Variants in CACNA2D1 observed in about 807,000 individuals in gnomAD.
The protein encoded by CACNA2D1 is calcium voltage-gated channel auxiliary subunit alpha2delta 1.
Under a neutral mutation model 171.5 loss-of-function variants are expected in CACNA2D1, and 53 were observed. The ratio of observed to expected loss-of-function variants is 0.31; its 90% CI spans 0.25 to 0.39. The LOEUF (loss-of-function observed/expected upper bound fraction) is 0.39. CACNA2D1 is among the 10% of genes least tolerant of loss of function. The pLI, the probability that CACNA2D1 is intolerant of heterozygous loss-of-function variation, is 1.00. For missense variants in CACNA2D1, 903 were observed against 1,299.8 expected (o/e 0.69, Z 4.69); for synonymous variants, 442 against 443.1 (o/e 1.00, Z 0.03).
chr7:82,134,217 T>C (rs1791346990), intron 5 of CACNA2D1, among the ~76,000 whole-genome samples: 2 of 152,198 alleles, frequency 1.3e-5, no homozygotes, highest in South Asian at 4.1e-4. Flanking sequence ...TTAAATTCTA[T>C]AATGTGGTCA....
At chr7:82,127,925 A>T (rs1790522035) in intron 5 of CACNA2D1, among the ~76,000 whole-genome samples, 1 of 151,434 alleles carries the variant, frequency 6.6e-6, no homozygotes, top group Admixed American at 6.6e-5. Flanking sequence ...TTGTTTTCTG[A>T]GGTTTTTTGT....
chr7:82,004,845 GGAT>G (rs1798966149), intron 18 of CACNA2D1, among the ~76,000 whole-genome samples: 1 of 152,070 alleles, frequency 6.6e-6, no homozygotes, highest in Non-Finnish European at 1.5e-5. Context: ...ATAAAAATTA[GGAT>G]AATATGGTTC....
intron 6 of CACNA2D1, among the ~76,000 whole-genome samples, chr7:82,104,621 G>C (rs1246607791): frequency 6.6e-6 from 1 of 151,748 alleles, no homozygotes; most frequent in Non-Finnish European, 1.5e-5. Context: ...GTTTAAAAAG[G>C]CTATCCAGTT....
At chr7:82,143,452 A>T in intron 4 of CACNA2D1, among the ~76,000 whole-genome samples, 1 of 152,338 alleles carries the variant, frequency 6.6e-6, no homozygotes. Context: ...TACATGAAGT[A>T]AATTATAATT....
chr7:81,954,923 T>C (rs1246502809), intron 38 of CACNA2D1, among the ~76,000 whole-genome samples: 1 of 151,606 alleles, frequency 6.6e-6, no homozygotes, highest in Non-Finnish European at 1.5e-5. Context: ...CTTAACACTC[T>C]TACACATTAA....
At position 82,439,488 on chromosome 7, in the gene CACNA2D1, A is replaced by G. The variant is rs533634769; in HGVS notation, c.95+3877T>C. ...CCTACTTTATATTCAAATTTTATGT[A>G]TATTTATTAAATTAAATTAATGAAA... On this transcript the variant is annotated intron_variant, in intron 1 of 38. Transcript: ENST00000356860. Among the ~76,000 whole-genome samples, 4 of 151,964 alleles carry G rather than the reference A, an allele frequency of 2.6e-5. No homozygotes were observed. The East Asian group carries it at 7.7e-4, about 29-fold the overall frequency.
At chr7:81,979,154 T>C (rs1469187905) in intron 24 of CACNA2D1, among the ~76,000 whole-genome samples, 4 of 151,916 alleles carry the variant, frequency 2.6e-5, no homozygotes, top group Non-Finnish European at 5.9e-5. Flanking sequence ...AATAGATTAG[T>C]GGTTGTTTGG....
chr7:82,183,716 A>T (rs916587886), intron 3 of CACNA2D1, among the ~76,000 whole-genome samples: 2 of 152,172 alleles, frequency 1.3e-5, no homozygotes, highest in African/African-American at 4.8e-5. Flanking sequence ...TGAATGAAGA[A>T]GGAGGAAAAG....
intron 6 of CACNA2D1, among the ~76,000 whole-genome samples, chr7:82,111,003 C>A (rs949902284): frequency 6.6e-6 from 1 of 152,058 alleles, no homozygotes; most frequent in African/African-American, 2.4e-5. Context: ...GCTATATTCC[C>A]ATTATCTGGA....
At chr7:82,280,188 G>A (rs1200532420) in intron 3 of CACNA2D1, among the ~76,000 whole-genome samples, 1 of 152,102 alleles carries the variant, frequency 6.6e-6, no homozygotes, top group Non-Finnish European at 1.5e-5. Flanking sequence ...TTACTTGTAT[G>A]ATATTTTATT....
chr7:82,349,572 A>C lies in CACNA2D1; in HGVS notation c.173T>G (p.Val58Gly), dbSNP rs775067204. 6.2e-7 allele frequency: 1 copy of C among 1,612,474 alleles called. No homozygotes were observed. The highest frequency in any genetic ancestry group is 1.1e-5 in the South Asian group (1 of 91,038). ...TCTTTGGTGGATTTTACTCACATCA[A>C]CAAGCTGATTGACTCCACTTGCTGT... ...AKTASGVNQL[V>G]DIYEKYQDLY... The change falls in exon 2 of 39, where the codon GTT (valine) becomes GGT (glycine). Residue 58 changes from valine (V) to glycine (G), a missense_variant. Val to Gly is a moderately radical substitution (Grantham distance 109, BLOSUM62 -3). Around this residue, in one of 5 missense-constraint regions of CACNA2D1, gnomAD observed 189 missense variants for 266.8 expected, o/e 0.71. Transcript: ENST00000356860.
chr7:82,426,848 G>A (rs1160409203), intron 1 of CACNA2D1, among the ~76,000 whole-genome samples: 1 of 151,978 alleles, frequency 6.6e-6, no homozygotes, highest in Non-Finnish European at 1.5e-5. Context: ...TCTCTTTCTG[G>A]GGTTTCAGTT....
intron 3 of CACNA2D1, among the ~76,000 whole-genome samples, chr7:82,252,698 G>T (rs1016919895): frequency 4.6e-5 from 7 of 151,932 alleles, no homozygotes; most frequent in Non-Finnish European, 8.8e-5. Flanking sequence ...GAGACCATCT[G>T]GGCCAACATG....
At chr7:82,216,244 C>T (rs1378286786) in intron 3 of CACNA2D1, among the ~76,000 whole-genome samples, 1 of 152,092 alleles carries the variant, frequency 6.6e-6, no homozygotes, top group Non-Finnish European at 1.5e-5. Context: ...AGTTCCCAAG[C>T]CTAAAACAAT....
chr7:81,991,061 AGTTTAGTAT>A (rs1207785061), intron 21 of CACNA2D1, 115 bp downstream of exon 21: 3 of 594,926 alleles, frequency 5.0e-6, no homozygotes, highest in East Asian at 5.6e-5. Context: ...TTAGTCTATA[AGTTTAGTAT>A]GTTTTCATGT....
intron 1 of CACNA2D1, among the ~76,000 whole-genome samples, chr7:82,419,476 C>T (rs1828517334): frequency 6.6e-6 from 1 of 152,188 alleles, no homozygotes; most frequent in Admixed American, 6.6e-5. Flanking sequence ...TAGTACCTTT[C>T]TGCTAAAGAC....
At chr7:82,349,841 G>A (rs998101784) in intron 1 of CACNA2D1, among the ~76,000 whole-genome samples, 192 bp from the exon 2 acceptor site, 1 of 152,168 alleles carries the variant, frequency 6.6e-6, no homozygotes, top group Non-Finnish European at 1.5e-5. Context: ...TTAGTGTGCA[G>A]GCTTTCAGGA....
At chr7:82,258,808 CTTA>C (rs762087795) in intron 3 of CACNA2D1, among the ~76,000 whole-genome samples, 26 of 76,326 alleles carry the variant, frequency 3.4e-4, no homozygotes, top group South Asian at 8.3e-4. Context: ...TTCTTTCTTT[CTTA>C]CTTTTCTTTT....
At chr7:82,187,708 A>C (rs1797907061) in intron 3 of CACNA2D1, among the ~76,000 whole-genome samples, 1 of 152,164 alleles carries the variant, frequency 6.6e-6, no homozygotes, top group South Asian at 2.1e-4. Context: ...TTCTATATGT[A>C]GAGTTTGACT....
Sources: allele counts gnomAD v4.1 joint callset (sites outside exome capture counted in the v4.1 genomes callset), GRCh38; gene constraint gnomAD v4.1.1; regional missense constraint gnomAD v4.1.1; transcripts MANE v1.5; gene names NCBI Gene and HGNC (gene_info 2026-07-23, HGNC 2026-07-21).